TSHR: variants seen among roughly 807,000 people sequenced by gnomAD.
TSHR encodes the protein thyrotropin receptor.
TSHR carries 51 observed loss-of-function variants against 64.1 expected under a neutral mutation model. The observed-to-expected ratio is 0.80, with a 90% CI of 0.64 to 1.01. The LOEUF is 1.01. Ranked by LOEUF, TSHR falls within the 50% of genes least tolerant of loss-of-function variation. The probability of loss-of-function intolerance (pLI) is 0.00; values close to 1 mark genes in which losing one functional copy is unlikely to be tolerated. For missense variants in TSHR, 877 were observed against 942.8 expected (o/e 0.93, Z 0.91); for synonymous variants, 361 against 361.9 (o/e 1.00, Z 0.03).
intron 3 of TSHR, among the ~76,000 whole-genome samples, chr14:81,078,124 C>T (rs1887631676): frequency 6.6e-6 from 1 of 151,490 alleles, no homozygotes; most frequent in Non-Finnish European, 1.5e-5. Context: ...ATACGTTCAA[C>T]ATATTTAATA....
At chr14:81,019,973 C>T (rs1012107388) in intron 1 of TSHR, among the ~76,000 whole-genome samples, 1 of 151,998 alleles carries the variant, frequency 6.6e-6, no homozygotes, top group Non-Finnish European at 1.5e-5. Flanking sequence ...GGGTATATAC[C>T]CAGTAATGGG....
chr14:81,032,826 A>T (rs569641718), intron 1 of TSHR: 1 of 384,156 alleles, frequency 2.6e-6, no homozygotes, highest in East Asian at 7.3e-5. Flanking sequence ...TAAGATGCTA[A>T]GATACTATCA....
intron 7 of TSHR, chr14:81,104,642 C>T: frequency 2.0e-6 from 2 of 985,424 alleles, no homozygotes; most frequent in Non-Finnish European, 2.4e-6. Flanking sequence ...AAAGGGCGTA[C>T]ATAAACACAC....
intron 1 of TSHR, among the ~76,000 whole-genome samples, chr14:81,002,412 C>A (rs572465821): frequency 3.3e-5 from 5 of 152,194 alleles, no homozygotes; most frequent in South Asian, 2.1e-4. Context: ...TTCAGTTTCC[C>A]CATTTGTAAA....
Position 81,023,461 on chromosome 14 carries a change from G to A in TSHR, c.171-38687G>A, listed in dbSNP as rs113322042. On this transcript the variant is annotated intron_variant, in intron 1 of 9. Coordinates refer to ENST00000298171, the MANE Select transcript of TSHR (RefSeq NM_000369.5). The stretch of plus-strand genomic sequence containing the variant: ...TCCTTTCCAGGGTACTGGGTGTAAT[G>A]AGCCTTAAAGGTCTTTAGGACCCTG... Among the ~76,000 whole-genome samples, 76 of 152,208 alleles carry A rather than the reference G, an allele frequency of 5.0e-4. 4 individuals carry two copies. Among genetic ancestry groups the A allele is most frequent in the African/African-American group, 1.8e-3 (73 of 41,544 alleles).
chr14:81,108,353 C>CTCTA, intron 7 of TSHR, 22 bp from the exon 8 acceptor site: 1 of 1,580,888 alleles, frequency 6.3e-7, no homozygotes, highest in South Asian at 1.1e-5. Context: ...TTCTCTCTCT[C>CTCTA]TCTTTCTCTC....
At chr14:81,136,060 A>G (rs1891443411) in intron 8 of TSHR, among the ~76,000 whole-genome samples, 1 of 152,334 alleles carries the variant, frequency 6.6e-6, no homozygotes, top group Non-Finnish European at 1.5e-5. Flanking sequence ...GTGGCCTTAG[A>G]GCTCTGAGAT....
chr14:80,989,613 C>G (rs1888627624), intron 1 of TSHR, among the ~76,000 whole-genome samples: 1 of 152,152 alleles, frequency 6.6e-6, no homozygotes. Flanking sequence ...ACAAATCCTT[C>G]AAGTCTCAGA....
intron 3 of TSHR, among the ~76,000 whole-genome samples, chr14:81,075,228 T>C (rs1887409391): frequency 6.6e-6 from 1 of 152,222 alleles, no homozygotes; most frequent in Non-Finnish European, 1.5e-5. Context: ...TTTCTGTATA[T>C]CACCTTGTTT....
chr14:80,995,617 A>C (rs543263555), intron 1 of TSHR: 12 of 152,222 alleles, frequency 7.9e-5, no homozygotes, highest in Admixed American at 7.2e-4. Flanking sequence ...TATAAGTGGG[A>C]GTTAAATTAT....
intron 1 of TSHR, among the ~76,000 whole-genome samples, chr14:80,977,332 C>T (rs1448685652): frequency 6.6e-6 from 1 of 152,170 alleles, no homozygotes; most frequent in African/African-American, 2.4e-5. Flanking sequence ...CCATGTGATC[C>T]CTGTTGTACT....
intron 1 of TSHR, among the ~76,000 whole-genome samples, chr14:80,973,212 T>C (rs980982335): frequency 1.3e-5 from 2 of 151,864 alleles, no homozygotes; most frequent in Non-Finnish European, 2.9e-5. Context: ...GAGACCATCC[T>C]GGCTAACACA....
At chr14:81,122,741 TC>T (rs1274868268) in intron 8 of TSHR, among the ~76,000 whole-genome samples, 1 of 152,182 alleles carries the variant, frequency 6.6e-6, no homozygotes, top group Admixed American at 6.5e-5. Flanking sequence ...TTCTGGGACA[TC>T]AGACACCAGA....
chr14:80,992,486 G>A (rs949533114), intron 1 of TSHR: 1 of 149,402 alleles, frequency 6.7e-6, no homozygotes, highest in African/African-American at 2.5e-5. Context: ...ACATACTACT[G>A]TTGTAGATCT....
At chr14:80,994,549 A>T (rs1471043577) in intron 1 of TSHR, 2 of 152,216 alleles carry the variant, frequency 1.3e-5, no homozygotes, top group African/African-American at 4.8e-5. Context: ...CCAATGGAAC[A>T]GAATAAAGAA....
At chr14:80,964,247 C>A (rs1887183659) in intron 1 of TSHR, among the ~76,000 whole-genome samples, 1 of 152,150 alleles carries the variant, frequency 6.6e-6, no homozygotes, top group Non-Finnish European at 1.5e-5. Flanking sequence ...AGGCCAAGAC[C>A]ATTCAGACAT....
chr14:81,009,879 G>T (rs116875209), intron 1 of TSHR, among the ~76,000 whole-genome samples: 2 of 151,970 alleles, frequency 1.3e-5, no homozygotes, highest in Admixed American at 6.6e-5. Flanking sequence ...TGCCAGTTGT[G>T]GGGGGAGAAT....
intron 1 of TSHR, among the ~76,000 whole-genome samples, chr14:80,976,171 A>G (rs179263): frequency 0.34 from 52,099 of 152,042 alleles, 9,620 homozygotes; most frequent in Non-Finnish European, 0.41. Flanking sequence ...TCGGCCTCCC[A>G]AAGTGCTGGG....
rs60115249 is a variant in TSHR at position 81,073,021 on chromosome 14, A to AATAT, written c.317+4719_317+4722dup. ...CAAAAAAAAAAAAAAATAAAAAATA[A>AATAT]ATATATATATATATATATATATATA... On this transcript the variant is annotated intron_variant, in intron 3 of 9. Transcript: ENST00000298171. Among the ~76,000 whole-genome samples the AATAT allele has an allele frequency of 2.9e-4, 14 of 48,576 alleles. 2 individuals carry two copies. Among genetic ancestry groups the AATAT allele is most frequent in the South Asian group, 1.7e-3 (2 of 1,150 alleles). The allele number at this position is 48,576 out of a possible 152,430, so 31.9% of individuals were successfully genotyped here.
Sources: allele counts gnomAD v4.1 joint callset (sites outside exome capture counted in the v4.1 genomes callset), GRCh38; gene constraint gnomAD v4.1.1; transcripts MANE v1.5; gene names NCBI Gene and HGNC (gene_info 2026-07-23, HGNC 2026-07-21).